The following PLIN2 variants were observed in gnomAD, a reference collection of about 807,000 sequenced individuals.
PLIN2 encodes perilipin 2.
In PLIN2, 33 loss-of-function variants were observed where a neutral mutation model predicts 30.6. The observed-to-expected ratio is 1.08, with a 90% CI of 0.82 to 1.44. The LOEUF (loss-of-function observed/expected upper bound fraction) is 1.44, where lower values mean the gene tolerates loss of function less well. Among genes scored for constraint, PLIN2 ranks in the 40% most tolerant of loss-of-function variants. The probability of loss-of-function intolerance (pLI) is 0.00; values close to 1 mark genes in which losing one functional copy is unlikely to be tolerated. For missense variants in PLIN2, 610 were observed against 531.8 expected (o/e 1.15, Z -1.45); for synonymous variants, 205 against 201.1 (o/e 1.02, Z -0.16).
chr9:19,118,493 C>T, intron 6 of PLIN2, 38 bp from the exon 7 acceptor site: 1 of 1,591,098 alleles, frequency 6.3e-7, no homozygotes, highest in Non-Finnish European at 8.6e-7. Context: ...ACACACAAGT[C>T]AGATATTCAC....
intron 7 of PLIN2, among the ~76,000 whole-genome samples, 168 bp from the exon 8 acceptor site, chr9:19,116,817 A>C (rs1818236028): frequency 6.6e-6 from 1 of 152,168 alleles, no homozygotes; most frequent in Admixed American, 6.5e-5. Context: ...CATAGATATG[A>C]ATATAAGCTT....
At chr9:19,108,984 T>C (rs1020044141) in intron 2 of PLIN2, among the ~76,000 whole-genome samples, 1 of 152,212 alleles carries the variant, frequency 6.6e-6, no homozygotes, top group Non-Finnish European at 1.5e-5. Context: ...GAAGCTTTTT[T>C]AAAAAATACC....
intron 5 of PLIN2, among the ~76,000 whole-genome samples, chr9:19,120,615 C>T (rs543597951): frequency 1.3e-5 from 2 of 152,216 alleles, no homozygotes; most frequent in East Asian, 3.9e-4. Context: ...GAGGTCAAGG[C>T]AGGTGGATCG....
downstream of PLIN2, among the ~76,000 whole-genome samples, chr9:19,110,793 TATGGCACTCTCAA>T (rs1212941535): frequency 6.6e-6 from 1 of 152,164 alleles, no homozygotes; most frequent in Admixed American, 6.6e-5. Context: ...CTATCTTTTA[TATGGCACTCTCAA>T]ATGGCACTTT....
At chr9:19,116,816 G>GA (rs1446646827) in intron 7 of PLIN2, among the ~76,000 whole-genome samples, 167 bp from the exon 8 acceptor site, 4 of 152,154 alleles carry the variant, frequency 2.6e-5, no homozygotes, top group Non-Finnish European at 2.9e-5. Flanking sequence ...TCATAGATAT[G>GA]AATATAAGCT....
chr9:19,118,841 C>T (rs1176062510), intron 6 of PLIN2, among the ~76,000 whole-genome samples: 1 of 152,112 alleles, frequency 6.6e-6, no homozygotes, highest in Non-Finnish European at 1.5e-5. Context: ...TACAGGCATA[C>T]GCCACCATGC....
chr9:19,116,253 G>A lies in PLIN2; in HGVS notation c.1309C>T (p.His437Tyr). The A allele has an allele frequency of 6.3e-7, 1 of 1,579,610 alleles. No homozygotes were observed. Among genetic ancestry groups the A allele is most frequent in the Admixed American group, 1.8e-5 (1 of 56,288 alleles). ...CACTAGTGATAGGGGCAGGTTTAATGAGTTTTATGCTCAGATCGCTGGGTC... is the reference window on the plus strand; with the variant it reads ...CACTAGTGATAGGGGCAGGTTTAATAAGTTTTATGCTCAGATCGCTGGGTC... ...QETQRSEHKT[H>Y] is the part of the protein sequence containing the mutation. The change falls in exon 8 of 8, where the codon CAT becomes TAT. Residue 437 changes from histidine to tyrosine, a missense_variant. His to Tyr is a moderately conservative substitution (Grantham distance 83). Transcript: ENST00000276914.
downstream of PLIN2, among the ~76,000 whole-genome samples, chr9:19,114,423 A>T (rs1818194549): frequency 6.7e-6 from 1 of 149,676 alleles, no homozygotes; most frequent in African/African-American, 2.5e-5. Flanking sequence ...TTTTTTTTTT[A>T]AGACAGAGTC....
At chr9:19,126,620 C>G (rs1818405197) in intron 1 of PLIN2, among the ~76,000 whole-genome samples, 172 bp from the exon 2 acceptor site, 1 of 152,216 alleles carries the variant, frequency 6.6e-6, no homozygotes, top group African/African-American at 2.4e-5. Context: ...GAAAGACCCA[C>G]ACCCACACAA....
intron 3 of PLIN2, among the ~76,000 whole-genome samples, 167 bp from the exon 4 acceptor site, chr9:19,123,814 A>G (rs1299049254): frequency 6.6e-6 from 1 of 152,086 alleles, no homozygotes; most frequent in Non-Finnish European, 1.5e-5. Flanking sequence ...AGGTCAAGAG[A>G]TCGAGACCAT....
rs1015722058 is a variant in PLIN2, at chr9:19,125,039, C to T, written c.226+1075G>A. Among the ~76,000 whole-genome samples, 5 of 152,234 alleles carry T rather than the reference C, an allele frequency of 3.3e-5. No individual in the cohort carries two copies. In the East Asian group the frequency reaches 9.6e-4, roughly 29 times the overall value. Reference sequence around the variant, plus strand: ...TCCAGCATAGGCAAATCTATAAAGACAAAGTAGATGAGTAGCTGCCTCAGG... The same window carrying T: ...TCCAGCATAGGCAAATCTATAAAGATAAAGTAGATGAGTAGCTGCCTCAGG... On this transcript the variant is annotated intron_variant, in intron 3 of 7. Coordinates refer to ENST00000276914, the MANE Select transcript of PLIN2 (RefSeq NM_001122.4).
chr9:19,120,853 A>C, intron 5 of PLIN2, 27 bp downstream of exon 5: 8 of 1,552,534 alleles, frequency 5.2e-6, no homozygotes, highest in Non-Finnish European at 7.1e-6. Context: ...AATATAAAAC[A>C]GTATTTCAAG....
intron 5 of PLIN2, 136 bp from the exon 6 acceptor site, chr9:19,119,967 T>G (rs1252253749): frequency 3.4e-6 from 2 of 581,600 alleles, no homozygotes; most frequent in African/African-American, 1.9e-5. Flanking sequence ...TTTCCAAGAC[T>G]GCTCACGTCT....
At chr9:19,111,537 C>T (rs1001049707), downstream of PLIN2, among the ~76,000 whole-genome samples, 8 of 152,112 alleles carry the variant, frequency 5.3e-5, no homozygotes, top group African/African-American at 1.9e-4. Context: ...CCTCACCAGT[C>T]CTAAAAATAC....
chr9:19,121,089 GA>G lies in PLIN2; in HGVS notation c.385del (p.Ser129LeufsTer9). 6.2e-7 allele frequency: 1 copy of G among 1,614,180 alleles called. No homozygotes were observed. Among genetic ancestry groups the G allele is most frequent in the South Asian group, 1.1e-5 (1 of 91,086 alleles). On this transcript the variant is annotated frameshift_variant, in exon 5 of 8. Coordinates refer to ENST00000276914, the MANE Select transcript of PLIN2 (RefSeq NM_001122.4). LOFTEE classifies it high-confidence loss of function. ...CACCCCTGTGATCGTGCTGGCCACA[GA>G]ATCCTTGGCCCCAGTCACAGTAGTC... ...VTTTVTGAKD[S>X]VASTITGVMD...
chr9:19,114,789 A>G (rs1010266429), downstream of PLIN2, among the ~76,000 whole-genome samples: 13 of 152,206 alleles, frequency 8.5e-5, 1 homozygote, highest in Non-Finnish European at 1.3e-4. Context: ...TGGTTCCTAA[A>G]TAACCAATGT....
rs1056600092 is a variant in PLIN2, at chr9:19,127,129, A to G, written c.-23+290T>C. 6.6e-6 allele frequency among the ~76,000 whole-genome samples: 1 copy of G among 152,222 alleles called. No homozygotes were observed. Among genetic ancestry groups the G allele is most frequent in the Non-Finnish European group, 1.5e-5 (1 of 68,040 alleles). ...TTCCCACAACCACCCAAGCAGGCCA[A>G]GGGACATTCGATAGCAATCGCCCTA... is the stretch of plus-strand genomic sequence containing the variant. On this transcript the variant is annotated intron_variant, in intron 1 of 7. Transcript: ENST00000276914. This position sits in a 1 kb window ranked among gnomAD's most constrained non-coding sequence, Gnocchi z 4.3.
chr9:19,111,289 TCTG>T (rs1818155492), downstream of PLIN2, among the ~76,000 whole-genome samples: 2 of 151,976 alleles, frequency 1.3e-5, no homozygotes. Context: ...CCTCAAGTGA[TCTG>T]CCGACTCGGC....
Position 19,127,159 on chromosome 9 carries a change from T to C in PLIN2, c.-23+260A>G, listed in dbSNP as rs898686583. Among the ~76,000 whole-genome samples, 8 of 152,188 alleles carry C rather than the reference T, an allele frequency of 5.3e-5. No individual in the cohort carries two copies. The highest frequency in any genetic ancestry group is 3.3e-4 in the Admixed American group (5 of 15,276). On this transcript the variant is annotated intron_variant, in intron 1 of 7. Coordinates refer to ENST00000276914, the MANE Select transcript of PLIN2 (RefSeq NM_001122.4). This position sits in a 1 kb window ranked among gnomAD's most constrained non-coding sequence, Gnocchi z 4.3. ...CATTCGATAGCAATCGCCCTAAATCTGTTGGCAGGAAAGAAGCCTCAACGC... is the reference window on the plus strand; with the variant it reads ...CATTCGATAGCAATCGCCCTAAATCCGTTGGCAGGAAAGAAGCCTCAACGC...
Sources: gnomAD v4.1 joint callset for allele counts (sites outside exome capture counted in the v4.1 genomes callset) on GRCh38, gnomAD v4.1.1 for gene constraint, Gnocchi (gnomAD v3.1) non-coding constraint, MANE v1.5 for transcripts, NCBI Gene and HGNC (gene_info 2026-07-23, HGNC 2026-07-21) for gene names.